Variants in CSMD1 observed in about 807,000 individuals in gnomAD.
CSMD1 encodes the protein CUB and Sushi multiple domains 1.
CSMD1 carries 213 observed loss-of-function variants against 417.5 expected under a neutral mutation model. The ratio of observed to expected loss-of-function variants is 0.51; its 90% CI spans 0.46 to 0.57. CSMD1 has a LOEUF of 0.57. Among genes scored for constraint, CSMD1 ranks in the 20% least tolerant of loss-of-function variants. The probability of loss-of-function intolerance (pLI) is 0.00; values close to 1 mark genes in which losing one functional copy is unlikely to be tolerated. For missense variants in CSMD1, 6,923 were observed against 4,529.7 expected, an observed-to-expected ratio of 1.53 and a Z score of -15.17; for synonymous variants, 2,862 against 1,736.8, an observed-to-expected ratio of 1.65 and a Z score of -16.11.
chr8:4,191,885 A>G (rs1270563725), intron 3 of CSMD1, among the ~76,000 whole-genome samples: 1 of 152,170 alleles, frequency 6.6e-6, no homozygotes, highest in Non-Finnish European at 1.5e-5. Flanking sequence ...AAAATTTGAC[A>G]ACAATTCAAA....
intron 3 of CSMD1, among the ~76,000 whole-genome samples, chr8:4,257,617 T>G (rs1423612963): frequency 6.6e-6 from 1 of 152,196 alleles, no homozygotes; most frequent in Non-Finnish European, 1.5e-5. Context: ...TGGTGAAAAG[T>G]TTGTCCTACT....
chr8:3,086,440 A>C lies in CSMD1; in HGVS notation c.7474+657T>G, dbSNP rs146308335. 2.0e-3 allele frequency among the ~76,000 whole-genome samples: 311 copies of C among 152,252 alleles called. 1 individual carries two copies. Among genetic ancestry groups the C allele is most frequent in the African/African-American group, 7.2e-3 (299 of 41,564 alleles). On this transcript the variant is annotated intron_variant, in intron 49 of 69. Transcript: ENST00000635120. The stretch of plus-strand genomic sequence containing the variant: ...AAATCTAATATCTAATGAAACTGAC[A>C]AAAAAGAGAGCCTATATGAGCTTTC...
intron 5 of CSMD1, among the ~76,000 whole-genome samples, chr8:3,768,050 C>T (rs73658235): frequency 0.011 from 1,621 of 152,186 alleles, 27 homozygotes; most frequent in African/African-American, 0.038. Context: ...CAATCTTTGA[C>T]CCCGAGTATA....
At chr8:4,299,397 T>G (rs1034052289) in intron 3 of CSMD1, among the ~76,000 whole-genome samples, 6 of 152,182 alleles carry the variant, frequency 3.9e-5, no homozygotes, top group Non-Finnish European at 8.8e-5. Flanking sequence ...ACCAGTCGTC[T>G]CAACATGAGA....
intron 1 of CSMD1, chr8:4,788,523 G>A: frequency 2.1e-6 from 3 of 1,439,812 alleles, no homozygotes; most frequent in South Asian, 1.2e-5. Context: ...CTGTGAGCAA[G>A]CATTTTGAAC....
intron 1 of CSMD1, among the ~76,000 whole-genome samples, chr8:4,887,803 A>T (rs539174584): frequency 6.6e-6 from 1 of 151,996 alleles, no homozygotes; most frequent in Non-Finnish European, 1.5e-5. Context: ...TTCTAGTGAC[A>T]CTTTTTGTTT....
At chr8:2,970,062 T>A (rs191442830) in intron 57 of CSMD1, among the ~76,000 whole-genome samples, 1 of 152,208 alleles carries the variant, frequency 6.6e-6, no homozygotes, top group Non-Finnish European at 1.5e-5. Context: ...TAGAAAACTT[T>A]TAAATGTCTA....
chr8:3,832,655 A>G (rs1802444126), intron 5 of CSMD1, among the ~76,000 whole-genome samples: 1 of 152,192 alleles, frequency 6.6e-6, no homozygotes, highest in African/African-American at 2.4e-5. Context: ...TTACAACGAA[A>G]CTGAGATTCA....
rs56164857 is a variant in CSMD1 at position 4,136,177 on chromosome 8, T to C, written c.416-104078A>G. On this transcript the variant is annotated intron_variant, in intron 3 of 69. Coordinates refer to ENST00000635120, the MANE Select transcript of CSMD1 (RefSeq NM_033225.6). ...CTGTTTTCTTAGAAAAGATACGATA[T>C]ACACAAAAGAACAGCTATGTGAACA... is the stretch of plus-strand genomic sequence containing the variant. Among the ~76,000 whole-genome samples the C allele has an allele frequency of 2.3e-3, 345 of 152,266 alleles. 1 individual carries two copies. Among genetic ancestry groups the C allele is most frequent in the Non-Finnish European group, 4.2e-3 (288 of 68,010 alleles).
intron 2 of CSMD1, among the ~76,000 whole-genome samples, chr8:4,511,888 G>T (rs934090986): frequency 6.6e-6 from 1 of 152,084 alleles, no homozygotes; most frequent in Non-Finnish European, 1.5e-5. Flanking sequence ...CTTCCAGCTT[G>T]GGGAGGGGAA....
intron 5 of CSMD1, among the ~76,000 whole-genome samples, chr8:3,941,392 T>C (rs1302108714): frequency 1.3e-5 from 2 of 152,134 alleles, no homozygotes. Flanking sequence ...TTTTGATTTC[T>C]CAAAAGTTTA....
chr8:4,929,202 G>A (rs1265659297), intron 1 of CSMD1, among the ~76,000 whole-genome samples: 1 of 152,114 alleles, frequency 6.6e-6, no homozygotes, highest in Non-Finnish European at 1.5e-5. Context: ...GAGCACGAGG[G>A]GACACAGTGA....
At chr8:3,721,190 T>TGCG (rs1251389540) in intron 6 of CSMD1, among the ~76,000 whole-genome samples, 1 of 152,156 alleles carries the variant, frequency 6.6e-6, no homozygotes, top group Non-Finnish European at 1.5e-5. Context: ...CTCCAGCCTC[T>TGCG]GCGTGATTTT....
chr8:4,075,549 T>C (rs952784187), intron 3 of CSMD1, among the ~76,000 whole-genome samples: 4 of 152,216 alleles, frequency 2.6e-5, no homozygotes, highest in Admixed American at 6.5e-5. Flanking sequence ...TTAGAGAATA[T>C]ATGTAACTGG....
At chr8:3,957,706 G>A (rs115095177) in intron 5 of CSMD1, among the ~76,000 whole-genome samples, 1,816 of 114,228 alleles carry the variant, frequency 0.016, 44 homozygotes, top group African/African-American at 0.049. Flanking sequence ...GAAGAGAAGA[G>A]GAAAAGAGAA....
chr8:4,188,122 G>T (rs1341206139), intron 3 of CSMD1, among the ~76,000 whole-genome samples: 2 of 152,186 alleles, frequency 1.3e-5, no homozygotes, highest in Middle Eastern at 3.4e-3. Context: ...AAAAACATAG[G>T]TTTTAAGGTA....
At chr8:4,247,470 T>A (rs775095113) in intron 3 of CSMD1, among the ~76,000 whole-genome samples, 16 of 152,266 alleles carry the variant, frequency 1.1e-4, no homozygotes, top group Non-Finnish European at 2.1e-4. Flanking sequence ...ATGCTTTCTA[T>A]CTCAATATTT....
intron 1 of CSMD1, among the ~76,000 whole-genome samples, chr8:4,680,378 G>A (rs1457248163): frequency 6.6e-6 from 1 of 152,152 alleles, no homozygotes; most frequent in Non-Finnish European, 1.5e-5. Context: ...TAATGTTACT[G>A]TTCAATACAA....
intron 10 of CSMD1, among the ~76,000 whole-genome samples, chr8:3,494,076 G>C (rs534072352): frequency 1.4e-4 from 22 of 152,234 alleles, no homozygotes; most frequent in Middle Eastern, 3.4e-3. Context: ...GTTGGTTATA[G>C]TTAATGACAT....
Sources: gnomAD v4.1 joint callset for allele counts (sites outside exome capture counted in the v4.1 genomes callset) on GRCh38, gnomAD v4.1.1 for gene constraint, MANE v1.5 for transcripts, NCBI Gene and HGNC (gene_info 2026-07-23, HGNC 2026-07-21) for gene names.